ACSL4: variants seen among roughly 807,000 people sequenced by gnomAD.
The protein encoded by ACSL4 is acyl-CoA synthetase long chain family member 4, also known as long-chain-fatty-acid--CoA ligase 4.
Under a neutral mutation model 49.1 loss-of-function variants are expected in ACSL4, and 9 were observed. That is an observed-to-expected ratio of 0.18 (90% CI 0.11 to 0.32). The LOEUF is 0.32. Ranked by LOEUF, ACSL4 falls within the 10% of genes least tolerant of loss-of-function variation. ACSL4 has a pLI of 1.00. For synonymous variants in ACSL4, 191 were observed against 170.3 expected (o/e 1.12, Z -0.95); for missense variants, 333 against 493.7 (o/e 0.67, Z 3.08).
At chrX:109,725,529 A>G (rs758873821) in intron 1 of ACSL4, among the ~76,000 whole-genome samples, 2 of 111,037 alleles carry the variant, frequency 1.8e-5, no homozygotes, top group South Asian at 3.8e-4. Context: ...CTGGGAGGCC[A>G]AGGCGGGCGG....
chrX:109,673,546 A>C (rs1260796151), intron 9 of ACSL4, among the ~76,000 whole-genome samples: 1 of 112,293 alleles, frequency 8.9e-6, no homozygotes, highest in Non-Finnish European at 1.9e-5. Flanking sequence ...AAAAAGGCAA[A>C]GTCTTCTCTG....
chrX:109,712,201 C>T (rs911181908), intron 1 of ACSL4, among the ~76,000 whole-genome samples: 3 of 111,556 alleles, frequency 2.7e-5, no homozygotes, highest in African/African-American at 9.8e-5. Context: ...TGGGATCAAG[C>T]AAGCTTCCCA....
chrX:109,694,925 A>G (rs1925310171), intron 2 of ACSL4, among the ~76,000 whole-genome samples: 1 of 112,023 alleles, frequency 8.9e-6, no homozygotes, highest in Non-Finnish European at 1.9e-5. Context: ...TATACTTAAA[A>G]ATTTATGAAG....
intron 2 of ACSL4, among the ~76,000 whole-genome samples, chrX:109,690,762 G>A (rs1016412883): frequency 9.9e-6 from 1 of 101,185 alleles, no homozygotes; most frequent in Non-Finnish European, 2.0e-5. Context: ...CATTTTAGGG[G>A]GGGGGGGCCT....
chrX:109,693,056 G>A (rs187553199), intron 2 of ACSL4, among the ~76,000 whole-genome samples: 23 of 111,283 alleles, frequency 2.1e-4, no homozygotes, highest in African/African-American at 7.5e-4. Flanking sequence ...TTACAACTAT[G>A]CCTTTTTTTG....
At chrX:109,677,385 T>C (rs1326861315) in intron 8 of ACSL4, among the ~76,000 whole-genome samples, 4 of 111,573 alleles carry the variant, frequency 3.6e-5, no homozygotes, top group Admixed American at 9.6e-5. Flanking sequence ...CCAATGCTCA[T>C]GGGTAGTGTG....
chrX:109,731,577 C>CAA (rs770441833), intron 1 of ACSL4, among the ~76,000 whole-genome samples: 25 of 68,830 alleles, frequency 3.6e-4, no homozygotes, highest in Admixed American at 6.7e-4. Context: ...GGGGGTTTTC[C>CAA]AAAAAAAAAA....
At position 109,685,863 on chromosome X, in the gene ACSL4, C is replaced by A. The variant is rs142551910; in HGVS notation, c.-12-2488G>T. 4.6e-3 allele frequency among the ~76,000 whole-genome samples: 510 copies of A among 110,493 alleles called. 3 individuals are homozygous for A. The highest frequency in any genetic ancestry group is 0.016 in the African/African-American group (479 of 30,351). On this transcript the variant is annotated intron_variant, in intron 2 of 15. Transcript: ENST00000672401. ...CCTCAGAAAGACATGCTAAATGATA[C>A]ACACAATGTCAAGTGATTCACAAGT...
chrX:109,710,738 T>C (rs1261018654), intron 1 of ACSL4, among the ~76,000 whole-genome samples: 1 of 112,011 alleles, frequency 8.9e-6, no homozygotes, highest in African/African-American at 3.2e-5. Context: ...AGAGATGGGG[T>C]CTTGCTTTGT....
chrX:109,645,022 C>A (rs774085979), intron 15 of ACSL4, among the ~76,000 whole-genome samples: 1 of 112,880 alleles, frequency 8.9e-6, no homozygotes, highest in African/African-American at 3.2e-5. Context: ...GAGGGTCCTA[C>A]GCCCACGGAG....
In ACSL4 at chrX:109,653,699, G is replaced by A. The variant is rs1347987886; in HGVS notation, c.1855+5655C>T. 1.1e-4 allele frequency among the ~76,000 whole-genome samples: 12 copies of A among 109,322 alleles called. No individual in the cohort carries two copies. The East Asian group carries it at 1.7e-3, about 16-fold the overall frequency. 94.9% of individuals were successfully genotyped at this position (109,322 alleles called of 115,157 possible). ...AAATCATCATTCTCAGTAAACTATC[G>A]CAAGGACAAAAAACCAAACACCGCA... On this transcript the variant is annotated intron_variant, in intron 15 of 15. Transcript: ENST00000672401.
chrX:109,710,394 C>T (rs986301681), intron 1 of ACSL4, among the ~76,000 whole-genome samples: 3 of 112,315 alleles, frequency 2.7e-5, no homozygotes, highest in Admixed American at 9.4e-5. Flanking sequence ...CAGCTGCACA[C>T]CATTAATCAC....
In ACSL4 at chrX:109,643,284, A is replaced by G. The variant is rs1934501384; in HGVS notation, c.*745T>C. The G allele has an allele frequency of 8.9e-6, 1 of 112,081 alleles. No homozygotes were observed. Among genetic ancestry groups the G allele is most frequent in the Admixed American group, 9.5e-5 (1 of 10,476 alleles). 9.2% of individuals were successfully genotyped at this position (112,081 alleles called of 1,213,427 possible). On this transcript the variant is annotated 3_prime_UTR_variant, in exon 16 of 16. Transcript: ENST00000672401. The stretch of plus-strand genomic sequence containing the variant: ...AAGGCAATTTTCAGCATTTCAAAAA[A>G]TGTACTTTCCTCTTAGTCATTCAAA...
chrX:109,670,822 T>C (rs1923130712), intron 9 of ACSL4, among the ~76,000 whole-genome samples: 1 of 112,448 alleles, frequency 8.9e-6, no homozygotes, highest in African/African-American at 3.2e-5. Context: ...AGACGGGGTT[T>C]CGCCATGCTG....
Position 109,671,311 on chromosome X carries a change from G to A in ACSL4, c.1003-2138C>T, listed in dbSNP as rs186716221. 1.9e-3 allele frequency among the ~76,000 whole-genome samples: 212 copies of A among 110,705 alleles called. 2 individuals are homozygous for A. In the East Asian group the frequency reaches 0.058, roughly 31 times the overall value. On this transcript the variant is annotated intron_variant, in intron 9 of 15. Transcript: ENST00000672401. ...GGGAACTGAGGAGTGTCTCTGCCCC[G>A]CCGCCGCCCCGTCTGGGAGATGAGG...
Position 109,725,759 on chromosome X carries a change from AAT to A in ACSL4, c.-66+7378_-66+7379del, listed in dbSNP as rs1179513244. Among the ~76,000 whole-genome samples the A allele has an allele frequency of 1.6e-4, 18 of 111,532 alleles. 1 individual carries two copies. The highest frequency in any genetic ancestry group is 1.3e-3 in the Admixed American group (14 of 10,472). On this transcript the variant is annotated intron_variant, in intron 1 of 15. Transcript: ENST00000672401. ...CATCTCAAAAAATAAAATAAAATAA[AAT>A]AAAATAAAACTCTTTTAGATTTTTA...
chrX:109,732,601 T>TAGGAAGATATCGGAAGCA (rs1928556678), intron 1 of ACSL4, among the ~76,000 whole-genome samples: 1 of 111,461 alleles, frequency 9.0e-6, no homozygotes, highest in Admixed American at 9.5e-5. Flanking sequence ...CTACGGAAGC[T>TAGGAAGATATCGGAAGCA]AGGAAGATAT....
chrX:109,708,645 T>G (rs1184584934), intron 1 of ACSL4, among the ~76,000 whole-genome samples: 1 of 112,274 alleles, frequency 8.9e-6, no homozygotes, highest in African/African-American at 3.2e-5. Context: ...ATCCTTTTGG[T>G]GTCCCTTATG....
At chrX:109,683,030 C>G in intron 3 of ACSL4, 106 bp downstream of exon 3, 1 of 1,024,100 alleles carries the variant, frequency 9.8e-7, no homozygotes. Context: ...TAGTTTTACA[C>G]AGCACTATAA....
Sources: allele counts gnomAD v4.1 joint callset (sites outside exome capture counted in the v4.1 genomes callset), GRCh38; gene constraint gnomAD v4.1.1; transcripts MANE v1.5; gene names NCBI Gene and HGNC (gene_info 2026-07-23, HGNC 2026-07-21).